The following AKAP13 variants were observed in gnomAD, a reference collection of about 807,000 sequenced individuals.
The protein encoded by AKAP13 is A-kinase anchoring protein 13.
Under a neutral mutation model 264.5 loss-of-function variants are expected in AKAP13, and 80 were observed. That is an observed-to-expected ratio of 0.30 (90% CI 0.25 to 0.36). The LOEUF is 0.36. AKAP13 is among the 10% of genes least tolerant of loss of function. The probability of loss-of-function intolerance (pLI) is 1.00; values close to 1 mark genes in which losing one functional copy is unlikely to be tolerated. For missense variants in AKAP13, 3,712 were observed against 3,435.2 expected, an observed-to-expected ratio of 1.08 and a Z score of -2.01; for synonymous variants, 1,380 against 1,250.2, an observed-to-expected ratio of 1.10 and a Z score of -2.19.
chr15:85,601,648 G>GTT (rs1555449317), intron 8 of AKAP13, among the ~76,000 whole-genome samples: 14 of 147,668 alleles, frequency 9.5e-5, no homozygotes, highest in African/African-American at 3.3e-4. Flanking sequence ...GTGTGTGTGT[G>GTT]TTTTTCTTCC....
intron 8 of AKAP13, among the ~76,000 whole-genome samples, chr15:85,600,443 A>G (rs922387515): frequency 6.6e-6 from 1 of 152,178 alleles, no homozygotes; most frequent in Non-Finnish European, 1.5e-5. Context: ...TAAAAGTACG[A>G]ATTGTTAAAT....
intron 4 of AKAP13, among the ~76,000 whole-genome samples, chr15:85,538,177 G>A (rs2077464979): frequency 6.6e-6 from 1 of 152,186 alleles, no homozygotes; most frequent in Non-Finnish European, 1.5e-5. Flanking sequence ...CCCAGGTAAT[G>A]TAGGGTGGGC....
rs558672067 is a variant in AKAP13, at chr15:85,635,872, A to G, written c.4162-3502A>G. On this transcript the variant is annotated intron_variant, in intron 8 of 36. Coordinates refer to ENST00000394518, the MANE Select transcript of AKAP13 (RefSeq NM_007200.5). ...ATCTTGGCATCTTTGTCAGGAATCAATGGGCCATATCTGTGAAGGTCTGTT... is the reference window on the plus strand; with the variant it reads ...ATCTTGGCATCTTTGTCAGGAATCAGTGGGCCATATCTGTGAAGGTCTGTT... Among the ~76,000 whole-genome samples, 4 of 152,266 alleles carry G rather than the reference A, an allele frequency of 2.6e-5. No homozygotes were observed. The East Asian group carries it at 5.8e-4, about 22-fold the overall frequency.
chr15:85,699,241 CAAGA>C (rs2085758696), intron 17 of AKAP13, among the ~76,000 whole-genome samples: 1 of 151,886 alleles, frequency 6.6e-6, no homozygotes, highest in African/African-American at 2.4e-5. Flanking sequence ...GTCAGGAGTT[CAAGA>C]CCAGGCTGGG....
Position 85,585,823 on chromosome 15 carries a change from G to A in AKAP13, c.4161G>A (p.Ala1387=), listed in dbSNP as rs768232761. The change falls in exon 8 of 37, where the codon GCG becomes GCA. Residue 1387 remains alanine (A), a splice_region_variant and synonymous_variant. Coordinates refer to ENST00000394518, the MANE Select transcript of AKAP13 (RefSeq NM_007200.5). ...LKMKQGPMTQ[A]INRENWCTIE... ...TGAAGCAAGGCCCAATGACCCAGGC[G>A]GTAAGTGGCATCAGTAAGTCTATAA... is the stretch of plus-strand genomic sequence containing the variant. 1.1e-5 allele frequency: 18 copies of A among 1,613,778 alleles called. No individual in the cohort carries two copies. The highest frequency in any genetic ancestry group is 7.7e-5 in the South Asian group (7 of 91,082).
intron 23 of AKAP13, among the ~76,000 whole-genome samples, chr15:85,720,371 GAATAAGTGACTATCTGTAA>G (rs1369641664): frequency 3.2e-4 from 48 of 152,178 alleles, no homozygotes; most frequent in African/African-American, 1.1e-3. Context: ...ACAGAAAGTT[GAATAAGTGACTATCTGTAA>G]AATGCTTAAT....
intron 1 of AKAP13, among the ~76,000 whole-genome samples, chr15:85,399,489 C>A (rs1284505592): frequency 2.9e-5 from 3 of 103,334 alleles, no homozygotes; most frequent in Admixed American, 1.3e-4. Context: ...GGCGACAGAG[C>A]GAGACTCCGT....
chr15:85,693,925 G>T (rs1463673731), intron 17 of AKAP13, among the ~76,000 whole-genome samples: 2 of 152,196 alleles, frequency 1.3e-5, no homozygotes, highest in African/African-American at 4.8e-5. Context: ...TGTCCAGAAG[G>T]TTAGGTGTAT....
intron 13 of AKAP13, among the ~76,000 whole-genome samples, chr15:85,668,143 A>G (rs2083707920): frequency 6.6e-6 from 1 of 152,202 alleles, no homozygotes; most frequent in African/African-American, 2.4e-5. Flanking sequence ...CACTGAGGTC[A>G]TTTTTTAGAC....
intron 5 of AKAP13, among the ~76,000 whole-genome samples, chr15:85,553,514 CTATT>C (rs2078036923): frequency 6.6e-6 from 1 of 152,202 alleles, no homozygotes; most frequent in Non-Finnish European, 1.5e-5. Flanking sequence ...AACTGTCAAA[CTATT>C]TATCCATTTG....
chr15:85,553,711 G>A (rs920913965), intron 5 of AKAP13, among the ~76,000 whole-genome samples: 1 of 152,180 alleles, frequency 6.6e-6, no homozygotes, highest in Non-Finnish European at 1.5e-5. Context: ...CTACAGACTG[G>A]TACTGGTCCA....
chr15:85,425,343 T>G (rs1053910985), intron 1 of AKAP13, among the ~76,000 whole-genome samples: 2 of 152,298 alleles, frequency 1.3e-5, no homozygotes, highest in Middle Eastern at 6.8e-3. Flanking sequence ...TGTGTTTATA[T>G]AAGATAAAGC....
intron 4 of AKAP13, among the ~76,000 whole-genome samples, chr15:85,542,473 A>G (rs1416704142): frequency 6.6e-6 from 1 of 152,228 alleles, no homozygotes; most frequent in Non-Finnish European, 1.5e-5. Context: ...CCTTTGTGAT[A>G]TTCACGTATA....
At chr15:85,626,444 A>G (rs1296423166) in intron 8 of AKAP13, among the ~76,000 whole-genome samples, 2 of 131,814 alleles carry the variant, frequency 1.5e-5, no homozygotes, top group Non-Finnish European at 3.3e-5. Flanking sequence ...CTACCGTTCT[A>G]TTTTCTGTCT....
intron 17 of AKAP13, among the ~76,000 whole-genome samples, chr15:85,695,953 A>G (rs1480328220): frequency 6.6e-6 from 1 of 152,252 alleles, no homozygotes; most frequent in Admixed American, 6.5e-5. Flanking sequence ...TAGTACTGGA[A>G]TAACCTGGTT....
At chr15:85,723,051 G>A (rs1466368285) in intron 25 of AKAP13, 21 bp from the exon 26 acceptor site, 1 of 1,607,278 alleles carries the variant, frequency 6.2e-7, no homozygotes, top group South Asian at 1.1e-5. Flanking sequence ...ATAAAAAACA[G>A]AATTATTCTT....
intron 1 of AKAP13, among the ~76,000 whole-genome samples, chr15:85,404,397 G>T (rs2071571504): frequency 6.6e-6 from 1 of 152,178 alleles, no homozygotes; most frequent in South Asian, 2.1e-4. Context: ...TTTAAAAACT[G>T]TTCTCTCACT....
intron 1 of AKAP13, among the ~76,000 whole-genome samples, chr15:85,461,806 T>G (rs1156911192): frequency 6.6e-6 from 1 of 152,196 alleles, no homozygotes; most frequent in African/African-American, 2.4e-5. Context: ...GGATAGAAGT[T>G]TTTGTAGTAA....
Position 85,437,147 on chromosome 15 carries a change from G to C in AKAP13, c.-11-48563G>C, listed in dbSNP as rs1274125300. 2.0e-5 allele frequency among the ~76,000 whole-genome samples: 3 copies of C among 147,370 alleles called. No individual in the cohort carries two copies. In the South Asian group the frequency reaches 6.8e-4, roughly 33 times the overall value. On this transcript the variant is annotated intron_variant, in intron 1 of 36. Transcript: ENST00000394518. The stretch of plus-strand genomic sequence containing the variant: ...AAATGATAAAGGGGATATCACCACC[G>C]ATCCCACAGAAATACAAACTACCAT...
Sources: allele counts gnomAD v4.1 joint callset (sites outside exome capture counted in the v4.1 genomes callset), GRCh38; gene constraint gnomAD v4.1.1; transcripts MANE v1.5; gene names NCBI Gene and HGNC (gene_info 2026-07-23, HGNC 2026-07-21).